The following LOC400499 variants were observed in gnomAD, a reference collection of about 807,000 sequenced individuals.
the LOC400499 span, chr16:11,514,625 G>A: frequency 1.0e-5 from 4 of 399,144 alleles, no homozygotes; most frequent in Non-Finnish European, 1.8e-5. Flanking sequence ...GGAGGGACGA[G>A]GGACACATCA....
chr16:11,434,750 A>G, the LOC400499 span, among the ~76,000 whole-genome samples: 1 of 152,334 alleles, frequency 6.6e-6, no homozygotes, highest in African/African-American at 2.4e-5. Context: ...GACAACCCTA[A>G]GAAGCAGGTG....
the LOC400499 span, among the ~76,000 whole-genome samples, chr16:11,386,653 GT>G: frequency 2.0e-5 from 3 of 152,184 alleles, no homozygotes; most frequent in Non-Finnish European, 4.4e-5. Context: ...AGCAAATAGA[GT>G]CCCACAGGTT....
the LOC400499 span, among the ~76,000 whole-genome samples, chr16:11,387,650 A>C: frequency 1.1e-5 from 1 of 88,340 alleles, no homozygotes; most frequent in Non-Finnish European, 2.9e-5. Flanking sequence ...TTTGTTTTTT[A>C]AGAATCTCAT....
the LOC400499 span, among the ~76,000 whole-genome samples, chr16:11,515,585 G>A: frequency 6.6e-6 from 1 of 151,576 alleles, no homozygotes; most frequent in Non-Finnish European, 1.5e-5. Context: ...GAGGGGAAGG[G>A]GAAGGGAGGA....
the LOC400499 span, among the ~76,000 whole-genome samples, chr16:11,474,589 G>T: frequency 6.6e-6 from 1 of 152,136 alleles, no homozygotes; most frequent in Non-Finnish European, 1.5e-5. Context: ...GCCGGGTGCA[G>T]CGGCTCATGC....
chr16:11,380,472 C>T, the LOC400499 span, among the ~76,000 whole-genome samples: 219 of 152,014 alleles, frequency 1.4e-3, 2 homozygotes, highest in East Asian at 1.5e-3. Context: ...CCCAGCTACT[C>T]GGGAGGCTGC....
chr16:11,464,292 G>A, the LOC400499 span, among the ~76,000 whole-genome samples: 1 of 152,196 alleles, frequency 6.6e-6, no homozygotes, highest in South Asian at 2.1e-4. Flanking sequence ...TTTCCTGCTG[G>A]CAGGCACATT....
At chr16:11,443,329 TCAAAAAAAA>T in the LOC400499 span, 2 of 192,772 alleles carry the variant, frequency 1.0e-5, no homozygotes, top group Non-Finnish European at 9.5e-6. Context: ...ATCCTCAGTC[TCAAAAAAAA>T]AAAAAAAAAA....
the LOC400499 span, among the ~76,000 whole-genome samples, chr16:11,415,675 G>A: frequency 1.3e-5 from 2 of 152,208 alleles, no homozygotes; most frequent in Admixed American, 6.5e-5. Flanking sequence ...GTTAACGACA[G>A]GCAGAGCATC....
chr16:11,462,050 G>A, the LOC400499 span: 13 of 1,330,972 alleles, frequency 9.8e-6, no homozygotes, highest in Middle Eastern at 1.9e-4. Flanking sequence ...CCATAAGGAG[G>A]CACTTGGGCC....
chr16:11,382,357 G>A, the LOC400499 span, among the ~76,000 whole-genome samples: 7 of 152,116 alleles, frequency 4.6e-5, no homozygotes, highest in African/African-American at 1.7e-4. Flanking sequence ...ACTAATTCTG[G>A]CATCTGAAGC....
At chr16:11,477,543 C>T in the LOC400499 span, among the ~76,000 whole-genome samples, 1 of 152,246 alleles carries the variant, frequency 6.6e-6, no homozygotes, top group East Asian at 1.9e-4. Flanking sequence ...CCTCTCCTCC[C>T]TTCTGGGTGG....
At chr16:11,384,969 G>T in the LOC400499 span, 4 of 1,232,232 alleles carry the variant, frequency 3.2e-6, no homozygotes, top group South Asian at 8.2e-5. Flanking sequence ...TCGCTGGCCA[G>T]CTCAATCCTG....
At chr16:11,393,658 G>C in the LOC400499 span, 1 of 1,045,618 alleles carries the variant, frequency 9.6e-7, no homozygotes, top group Non-Finnish European at 1.2e-6. Context: ...GGCTGGGGAG[G>C]CTGCTGTTGG....
At chr16:11,375,307 C>T in the LOC400499 span, among the ~76,000 whole-genome samples, 1 of 127,760 alleles carries the variant, frequency 7.8e-6, no homozygotes, top group Non-Finnish European at 1.6e-5. Flanking sequence ...GTGGCACCTC[C>T]ATGTACTTTT....
the LOC400499 span, chr16:11,404,889 T>A: frequency 5.0e-6 from 2 of 398,662 alleles, no homozygotes; most frequent in South Asian, 1.3e-4. Context: ...GACGGCGTCA[T>A]GGGGGAACCC....
chr16:11,474,703 C>A, the LOC400499 span, among the ~76,000 whole-genome samples: 99 of 138,538 alleles, frequency 7.1e-4, no homozygotes, highest in East Asian at 8.4e-4. Flanking sequence ...CTACAAAATA[C>A]AAAAAAAAAA....
At chr16:11,421,207 G>A in the LOC400499 span, among the ~76,000 whole-genome samples, 1 of 152,116 alleles carries the variant, frequency 6.6e-6, no homozygotes, top group African/African-American at 2.4e-5. Context: ...TCCACAGAGC[G>A]CTTCCCTGCA....
At chr16:11,512,673 C>A in the LOC400499 span, among the ~76,000 whole-genome samples, 1 of 152,142 alleles carries the variant, frequency 6.6e-6, no homozygotes, top group African/African-American at 2.4e-5. Flanking sequence ...ATACTAAAAA[C>A]CACTGAAGTG....
Sources: allele counts gnomAD v4.1 joint callset (sites outside exome capture counted in the v4.1 genomes callset), GRCh38; gene constraint gnomAD v4.1.1; transcripts MANE v1.5.